CCDC157: variants seen among roughly 807,000 people sequenced by gnomAD.
The protein encoded by CCDC157 is coiled-coil domain containing 157, also known as coiled-coil domain-containing protein 157.
In CCDC157, 60 loss-of-function variants were observed where a neutral mutation model predicts 70.9. The observed-to-expected ratio is 0.85, with a 90% CI of 0.69 to 1.05. The LOEUF is 1.05. Among genes scored for constraint, CCDC157 ranks in the 50% least tolerant of loss-of-function variants. CCDC157 has a pLI of 0.00. For synonymous variants in CCDC157, 373 were observed against 422.4 expected (o/e 0.88, Z 1.43); for missense variants, 943 against 984.2 (o/e 0.96, Z 0.56).
At chr22:30,366,340 G>A in intron 3 of CCDC157, 92 bp downstream of exon 3, 1 of 1,529,388 alleles carries the variant, frequency 6.5e-7, no homozygotes, top group Non-Finnish European at 9.0e-7. Context: ...AGAGGCAGGG[G>A]TGATGTTGGA....
In CCDC157 at chr22:30,371,527, A is replaced by G. The variant is rs528916999; in HGVS notation, c.1046-123A>G. On this transcript the variant is annotated intron_variant, in intron 5 of 11. Transcript: ENST00000338306. ...CACCAGCCTCCCTAGAGCTCCTCCC[A>G]TGGCCGCAGGCGGCCCCTCTGCAGG... 160 of 786,252 alleles carry G rather than the reference A, an allele frequency of 2.0e-4. No individual in the cohort carries two copies. In the African/African-American group the frequency reaches 2.2e-3, roughly 11 times the overall value. The allele number at this position is 786,252 out of a possible 1,614,324, so 48.7% of individuals were successfully genotyped here.
Position 30,376,779 on chromosome 22 carries a change from G to A in CCDC157, c.*34G>A, listed in dbSNP as rs1250808364. On this transcript the variant is annotated 3_prime_UTR_variant, in exon 12 of 12. Transcript: ENST00000338306. ...CCAGGGCTGAGGCTGGATGGGAGGTGGCTGGCAGCCCACCCACTGTAATAA... is the reference window on the plus strand; with the variant it reads ...CCAGGGCTGAGGCTGGATGGGAGGTAGCTGGCAGCCCACCCACTGTAATAA... 6.3e-7 allele frequency: 1 copy of A among 1,582,056 alleles called. No individual in the cohort carries two copies.
At chr22:30,365,823 C>A in intron 2 of CCDC157, 167 bp from the exon 3 acceptor site, 1 of 651,192 alleles carries the variant, frequency 1.5e-6, no homozygotes, top group Non-Finnish European at 2.6e-6. Context: ...CCACCCAGAA[C>A]CGGGTCGGAA....
intron 2 of CCDC157, among the ~76,000 whole-genome samples, chr22:30,364,852 C>T (rs989798198): frequency 2.0e-5 from 3 of 151,728 alleles, no homozygotes; most frequent in Non-Finnish European, 4.4e-5. Flanking sequence ...TATATAATGG[C>T]TTCTCTGTCA....
rs140432716 is a variant in CCDC157, at chr22:30,376,691, A to G, written c.2205A>G (p.Ser735=). ...KVLVRLRKRL[S]PGRGQASSAH... ...TGGTCAGGCTGAGAAAGAGACTGTC[A>G]CCTGGCCGGGGACAGGCCAGCTCTG... Residue 735 remains serine (S), a synonymous_variant, in exon 12 of 12, where the codon TCA becomes TCG. Coordinates refer to ENST00000338306, the MANE Select transcript of CCDC157 (RefSeq NM_001017437.5). The G allele has an allele frequency of 2.9e-4, 471 of 1,613,362 alleles. 2 individuals are homozygous for G. In the African/African-American group the frequency reaches 5.2e-3, roughly 18 times the overall value.
At position 30,370,421 on chromosome 22, in the gene CCDC157, G is replaced by A. The variant is rs375818156; in HGVS notation, c.516G>A (p.Lys172=). The A allele has an allele frequency of 6.5e-5, 105 of 1,613,990 alleles. No individual in the cohort carries two copies. Among genetic ancestry groups the A allele is most frequent in the Non-Finnish European group, 8.4e-5 (99 of 1,180,050 alleles). Residue 172 remains lysine, a synonymous_variant, in exon 5 of 12, where the codon AAG becomes AAA. Transcript: ENST00000338306. ...AATATCTGACTACCAAGTTAATCAAGCCCTCCTCCCCAGTGCTAGGCTTGC... is the reference window on the plus strand; with the variant it reads ...AATATCTGACTACCAAGTTAATCAAACCCTCCTCCCCAGTGCTAGGCTTGC... ...SPEYLTTKLI[K]PSSPVLGLPQ...
Position 30,369,878 on chromosome 22 carries a change from A to G in CCDC157, c.420+275A>G, listed in dbSNP as rs1338834717. The G allele has an allele frequency of 1.7e-5, 8 of 466,054 alleles. No individual in the cohort carries two copies. In the East Asian group the frequency reaches 2.3e-4, roughly 14 times the overall value. 28.9% of individuals were successfully genotyped at this position (466,054 alleles called of 1,614,324 possible). The stretch of plus-strand genomic sequence containing the variant: ...TGAACCGCAGTTTCTTCATCTATAC[A>G]ACGGAGGTCATGTGACCCCTGTTTG... On this transcript the variant is annotated intron_variant, in intron 4 of 11. Coordinates refer to ENST00000338306, the MANE Select transcript of CCDC157 (RefSeq NM_001017437.5).
At chr22:30,369,122 C>T (rs892108413) in intron 3 of CCDC157, 4 of 231,032 alleles carry the variant, frequency 1.7e-5, no homozygotes, top group Non-Finnish European at 2.5e-5. Flanking sequence ...TTTTCAAGGA[C>T]TCAGGATACA....
Position 30,373,939 on chromosome 22 carries a change from T to C in CCDC157, c.1520T>C (p.Leu507Pro), listed in dbSNP as rs1933141700. Reference protein sequence around the residue: ...LRAQQELLQSLQREKQGLEQA... With the variant: ...LRAQQELLQSPQREKQGLEQA... ...CTGTCCCAGGAGCTGCTGCAGAGCC[T>C]GCAGAGGGAGAAGCAAGGCCTGGAG... The change falls in exon 9 of 12, where the codon CTG becomes CCG. Residue 507 changes from leucine to proline, a missense_variant. Leu to Pro is a moderately conservative substitution (Grantham distance 98, BLOSUM62 -3). Coordinates refer to ENST00000338306, the MANE Select transcript of CCDC157 (RefSeq NM_001017437.5). 6.2e-7 allele frequency: 1 copy of C among 1,611,326 alleles called. No individual in the cohort carries two copies. The highest frequency in any genetic ancestry group is 1.3e-5 in the African/African-American group (1 of 75,004).
Position 30,372,138 on chromosome 22 carries a change from A to G in CCDC157, c.1187A>G (p.Gln396Arg), listed in dbSNP as rs1265642631. The G allele has an allele frequency of 3.9e-6, 6 of 1,554,904 alleles. No individual in the cohort carries two copies. The South Asian group carries it at 5.9e-5, about 15-fold the overall frequency. ...ERRAAAERQVQQLEEQVQQLE... is the reference protein window; with the variant it reads ...ERRAAAERQVRQLEEQVQQLE... ...AGGGCGGCAGCGGAGAGGCAGGTGC[A>G]GCAGCTGGAGGAGCAGGTGCAGCAG... The change falls in exon 7 of 12, where the codon CAG becomes CGG. Residue 396 changes from glutamine (Q) to arginine (R), a missense_variant. By Grantham distance (43) the Gln-to-Arg change is conservative. Transcript: ENST00000338306.
chr22:30,375,513 A>G lies in CCDC157; in HGVS notation c.1707A>G (p.Thr569=), dbSNP rs542015105. 3 of 1,614,166 alleles carry G rather than the reference A, an allele frequency of 1.9e-6. No individual in the cohort carries two copies. In the African/African-American group the frequency reaches 4.0e-5, roughly 22 times the overall value. The change falls in exon 10 of 12, where the codon ACA becomes ACG. Residue 569 remains threonine, a synonymous_variant. Coordinates refer to ENST00000338306, the MANE Select transcript of CCDC157 (RefSeq NM_001017437.5). The part of the protein sequence containing the change: ...GRSSSVESQI[T]CPTDSGNVTD... ...CCAGCAGCGTGGAATCCCAGATAAC[A>G]TGTCCCACAGACTCTGGCAACGTCA...
chr22:30,357,286 A>C (rs1931956658), intron 1 of CCDC157, among the ~76,000 whole-genome samples, 154 bp downstream of exon 1: 1 of 152,040 alleles, frequency 6.6e-6, no homozygotes, highest in African/African-American at 2.4e-5. Context: ...CTGTCCCCTC[A>C]GGCTCACCGC....
chr22:30,363,465 T>C (rs898850772), intron 2 of CCDC157, among the ~76,000 whole-genome samples: 1 of 152,070 alleles, frequency 6.6e-6, no homozygotes, highest in Non-Finnish European at 1.5e-5. Flanking sequence ...ATGACTCCTT[T>C]AATGCCTTCA....
chr22:30,369,647 AT>A, intron 4 of CCDC157, 44 bp downstream of exon 4: 2 of 1,410,224 alleles, frequency 1.4e-6, no homozygotes, highest in South Asian at 2.9e-5. Context: ...CTCAGCCTCT[AT>A]CTCCCCACTG....
intron 2 of CCDC157, among the ~76,000 whole-genome samples, chr22:30,364,524 T>C (rs1238596189): frequency 2.0e-5 from 3 of 152,090 alleles, no homozygotes; most frequent in Admixed American, 1.3e-4. Flanking sequence ...ATATATATAA[T>C]GGGGCTGGGT....
intron 2 of CCDC157, among the ~76,000 whole-genome samples, chr22:30,365,755 T>A (rs1319982432): frequency 2.6e-5 from 4 of 152,152 alleles, no homozygotes; most frequent in Admixed American, 2.6e-4. Context: ...GAAGGACTTA[T>A]GGAGTGATGG....
At chr22:30,370,190 C>A in intron 4 of CCDC157, 136 bp from the exon 5 acceptor site, 1 of 950,592 alleles carries the variant, frequency 1.1e-6, no homozygotes, top group Non-Finnish European at 1.6e-6. Flanking sequence ...TTATTCACGT[C>A]GGTGTCAGAG....
chr22:30,376,024 C>CAA (rs772545880), intron 10 of CCDC157: 2,166 of 471,188 alleles, frequency 4.6e-3, no homozygotes, highest in Middle Eastern at 0.014. Context: ...CCCGTTTCTA[C>CAA]AAAAAAAAAA....
Position 30,369,153 on chromosome 22 carries a change from G to C in CCDC157, c.249-279G>C, listed in dbSNP as rs541847739. On this transcript the variant is annotated intron_variant, in intron 3 of 11. Coordinates refer to ENST00000338306, the MANE Select transcript of CCDC157 (RefSeq NM_001017437.5). ...ATACAACTGAGGCAAGGCCAGGCCT[G>C]GCTTCACAGAGCTCCCTGGTCCAGT... is the stretch of plus-strand genomic sequence containing the variant. 5.2e-4 allele frequency: 155 copies of C among 297,496 alleles called. 2 individuals are homozygous for C. The South Asian group carries it at 8.8e-3, about 17-fold the overall frequency. 18.4% of individuals were successfully genotyped at this position (297,496 alleles called of 1,614,324 possible).
Sources: gnomAD v4.1 joint callset for allele counts (sites outside exome capture counted in the v4.1 genomes callset) on GRCh38, gnomAD v4.1.1 for gene constraint, MANE v1.5 for transcripts, NCBI Gene and HGNC (gene_info 2026-07-23, HGNC 2026-07-21) for gene names.